FAM227A: variants seen among roughly 807,000 people sequenced by gnomAD.
FAM227A encodes the protein protein FAM227A.
A neutral mutation model predicts 74.7 loss-of-function variants in FAM227A; 80 were observed. The observed-to-expected ratio is 1.07, with a 90% CI of 0.89 to 1.29. The LOEUF (loss-of-function observed/expected upper bound fraction) is 1.29, where lower values mean the gene tolerates loss of function less well. FAM227A is among the 50% of genes most tolerant of loss of function. The probability of loss-of-function intolerance (pLI) is 0.00; values close to 1 mark genes in which losing one functional copy is unlikely to be tolerated. For missense variants in FAM227A, 654 were observed against 683.4 expected, an observed-to-expected ratio of 0.96 and a Z score of 0.48; for synonymous variants, 237 against 241.8, an observed-to-expected ratio of 0.98 and a Z score of 0.19.
At chr22:38,651,437 G>A (rs1373664594) in intron 1 of FAM227A, among the ~76,000 whole-genome samples, 6 of 152,216 alleles carry the variant, frequency 3.9e-5, no homozygotes, top group Admixed American at 2.6e-4. Flanking sequence ...GCAGTGGCGC[G>A]ATCTTGGCTC....
Position 38,621,908 on chromosome 22 carries a change from C to T in FAM227A, c.958+1264G>A, listed in dbSNP as rs150139337. 8.5e-4 allele frequency among the ~76,000 whole-genome samples: 129 copies of T among 152,278 alleles called. 1 individual carries two copies. Among genetic ancestry groups the T allele is most frequent in the African/African-American group, 3.1e-3 (127 of 41,548 alleles). Reference sequence around the variant, plus strand: ...GGGTCCCCCTCCCGCTGTTGCCTTACCCCTCTGAATCCCCCCCACTGCAGT... The same window carrying T: ...GGGTCCCCCTCCCGCTGTTGCCTTATCCCTCTGAATCCCCCCCACTGCAGT... On this transcript the variant is annotated intron_variant, in intron 10 of 16. Coordinates refer to ENST00000535113, the MANE Select transcript of FAM227A (RefSeq NM_001013647.2).
intron 16 of FAM227A, among the ~76,000 whole-genome samples, chr22:38,588,535 T>C (rs996615465): frequency 1.6e-4 from 23 of 148,314 alleles, no homozygotes; most frequent in African/African-American, 5.8e-4. Context: ...AGGAGAATCA[T>C]TTGAACCCGG....
intron 3 of FAM227A, among the ~76,000 whole-genome samples, chr22:38,640,566 C>T (rs981687877): frequency 2.6e-5 from 4 of 152,084 alleles, no homozygotes; most frequent in African/African-American, 9.7e-5. Context: ...GATTGTCAAC[C>T]AAGAGTCCAG....
chr22:38,600,059 C>G lies in FAM227A; in HGVS notation c.1222-138G>C. The G allele has an allele frequency of 3.9e-6, 3 of 777,006 alleles. No individual in the cohort carries two copies. The East Asian group carries it at 8.7e-5, about 23-fold the overall frequency. The allele number at this position is 777,006 out of a possible 1,614,324, so 48.1% of individuals were successfully genotyped here. A position where few individuals can be genotyped will look rare whatever the true frequency, so the allele number is the denominator to read the frequency against. On this transcript the variant is annotated intron_variant, in intron 13 of 16. Transcript: ENST00000535113. Reference sequence around the variant, plus strand: ...TAGGATGCACCCTAAGAAAATTACTCAAAATAAAGCAAAAAAAGGTCAAGG... The same window carrying G: ...TAGGATGCACCCTAAGAAAATTACTGAAAATAAAGCAAAAAAAGGTCAAGG...
At chr22:38,624,889 T>C (rs1419615574) in intron 9 of FAM227A, among the ~76,000 whole-genome samples, 1 of 152,196 alleles carries the variant, frequency 6.6e-6, no homozygotes, top group Non-Finnish European at 1.5e-5. Context: ...ATAGCGAGAC[T>C]ACACTTAAAC....
chr22:38,622,284 C>G (rs1437007182), intron 10 of FAM227A, among the ~76,000 whole-genome samples: 1 of 152,194 alleles, frequency 6.6e-6, no homozygotes, highest in African/African-American at 2.4e-5. Context: ...AGGTGAGCTG[C>G]TTTGTTCTAC....
At chr22:38,614,995 TTTG>T (rs1179953121) in intron 11 of FAM227A, among the ~76,000 whole-genome samples, 6 of 152,228 alleles carry the variant, frequency 3.9e-5, no homozygotes, top group East Asian at 1.9e-4. Flanking sequence ...TCCAGAAATA[TTTG>T]TTAAGTGTCT....
chr22:38,586,204 G>C lies in FAM227A; in HGVS notation c.1639-5C>G. 6.5e-7 allele frequency: 1 copy of C among 1,543,558 alleles called. No homozygotes were observed. Among genetic ancestry groups the C allele is most frequent in the Non-Finnish European group, 8.7e-7 (1 of 1,144,912 alleles). On this transcript the variant is annotated splice_region_variant and splice_polypyrimidine_tract_variant and intron_variant, in intron 16 of 16. Transcript: ENST00000535113. ...TCCCTCTCCTCCTTTCCCCTCCTGT[G>C]GGGGAAACAAACGAACAAAAACAAA...
chr22:38,595,970 A>AGG (rs5845387), intron 15 of FAM227A, among the ~76,000 whole-genome samples: 1,510 of 144,398 alleles, frequency 0.01, 29 homozygotes, highest in African/African-American at 0.039. Context: ...ACAACTAATA[A>AGG]GGGGGGGGGG....
chr22:38,631,958 G>A (rs546926860), intron 6 of FAM227A, among the ~76,000 whole-genome samples: 1 of 152,308 alleles, frequency 6.6e-6, no homozygotes, highest in African/African-American at 2.4e-5. Flanking sequence ...TGGCCAGTGG[G>A]AAGGGGAGGA....
Position 38,582,205 on chromosome 22 carries a change from C to A in FAM227A, c.*3920G>T, listed in dbSNP as rs1602804626. ...AAAGTTTATTTGGGCCTCTTTGTAA[C>A]CCCTTCCAGCTTCCCTCCTATCCCC... is the stretch of plus-strand genomic sequence containing the variant. On this transcript the variant is annotated 3_prime_UTR_variant, in exon 17 of 17. Coordinates refer to ENST00000535113, the MANE Select transcript of FAM227A (RefSeq NM_001013647.2). 3.8e-6 allele frequency: 3 copies of A among 795,360 alleles called. No individual in the cohort carries two copies. Among genetic ancestry groups the A allele is most frequent in the Non-Finnish European group, 5.9e-6 (3 of 509,866 alleles). The allele number at this position is 795,360 out of a possible 1,614,324, so 49.3% of individuals were successfully genotyped here. A position where few individuals can be genotyped will look rare whatever the true frequency, so the allele number is the denominator to read the frequency against.
chr22:38,601,166 C>A (rs757895349), intron 13 of FAM227A, among the ~76,000 whole-genome samples: 1 of 151,796 alleles, frequency 6.6e-6, no homozygotes, highest in Admixed American at 6.6e-5. Context: ...TGAAAAAAAT[C>A]AACAAATAAA....
intron 4 of FAM227A, 87 bp downstream of exon 4, chr22:38,639,568 A>G (rs970843370): frequency 4.9e-6 from 6 of 1,230,700 alleles, no homozygotes; most frequent in Non-Finnish European, 5.9e-6. Context: ...CTCATCTGAA[A>G]CTTGGGATTC....
chr22:38,654,096 C>T (rs572409211), intron 1 of FAM227A, among the ~76,000 whole-genome samples: 8 of 152,208 alleles, frequency 5.3e-5, no homozygotes, highest in African/African-American at 1.9e-4. Context: ...CACCTGTAAT[C>T]CCACCACTTT....
intron 2 of FAM227A, 36 bp downstream of exon 2, chr22:38,649,991 T>A (rs1253620041): frequency 6.5e-7 from 1 of 1,548,958 alleles, no homozygotes; most frequent in Non-Finnish European, 8.7e-7. Context: ...TTAGGTGTAT[T>A]TGGTCTGATT....
At chr22:38,615,800 T>C (rs1244981581) in intron 11 of FAM227A, among the ~76,000 whole-genome samples, 1 of 152,150 alleles carries the variant, frequency 6.6e-6, no homozygotes. Context: ...GGTCACTATG[T>C]GGAGGCTGGG....
rs551438874 is a variant in FAM227A at position 38,580,697 on chromosome 22, CATG to C, written c.*5425_*5427del. On this transcript the variant is annotated 3_prime_UTR_variant, in exon 17 of 17. Coordinates refer to ENST00000535113, the MANE Select transcript of FAM227A (RefSeq NM_001013647.2). ...GGTAATACAGTTCATATGGGAATGG[CATG>C]ATAAATGCTTATTCATTTACTTACC... 7.0e-4 allele frequency: 106 copies of C among 152,308 alleles called. 1 individual carries two copies. Among genetic ancestry groups the C allele is most frequent in the African/African-American group, 2.5e-3 (102 of 41,562 alleles). The allele number at this position is 152,308 out of a possible 1,614,324, so 9.4% of individuals were successfully genotyped here. A position where few individuals can be genotyped will look rare whatever the true frequency, so the allele number is the denominator to read the frequency against.
chr22:38,642,042 T>G (rs541697446), intron 3 of FAM227A, among the ~76,000 whole-genome samples: 2 of 152,210 alleles, frequency 1.3e-5, no homozygotes, highest in Admixed American at 6.5e-5. Flanking sequence ...AATAAAAATG[T>G]ACCAAAATTA....
Position 38,638,762 on chromosome 22 carries a change from G to A in FAM227A, c.356C>T (p.Ser119Phe). 3 of 1,549,580 alleles carry A rather than the reference G, an allele frequency of 1.9e-6. No homozygotes were observed. Among genetic ancestry groups the A allele is most frequent in the Non-Finnish European group, 2.6e-6 (3 of 1,145,868 alleles). Residue 119 changes from serine (S) to phenylalanine (F), a missense_variant, in exon 5 of 17, where the codon TCT becomes TTT. Ser to Phe is a radical substitution (Grantham distance 155). Coordinates refer to ENST00000535113, the MANE Select transcript of FAM227A (RefSeq NM_001013647.2). Reference protein sequence around the residue: ...CKGSELRHARSSVIKRKTADK... With the variant: ...CKGSELRHARFSVIKRKTADK... ...ATCCCTTACCCTTTTTATAACAGAAGATCTGGCATGTCTGAGTTCGGAGCC... is the reference window on the plus strand; with the variant it reads ...ATCCCTTACCCTTTTTATAACAGAAAATCTGGCATGTCTGAGTTCGGAGCC...
Sources: allele counts gnomAD v4.1 joint callset (sites outside exome capture counted in the v4.1 genomes callset), GRCh38; gene constraint gnomAD v4.1.1; transcripts MANE v1.5; gene names NCBI Gene and HGNC (gene_info 2026-07-23, HGNC 2026-07-21).